Variants in MCM7 observed in about 807,000 individuals in gnomAD.
MCM7 encodes minichromosome maintenance complex component 7, also known as DNA replication licensing factor MCM7.
MCM7 carries 95 observed loss-of-function variants against 83.5 expected under a neutral mutation model. The ratio of observed to expected loss-of-function variants is 1.14; its 90% CI spans 0.96 to 1.35. The LOEUF is 1.35. Ranked by LOEUF, MCM7 falls within the 40% of genes most tolerant of loss-of-function variation. MCM7 has a pLI of 0.00. For missense variants in MCM7, 1,087 were observed against 957.4 expected (o/e 1.14, Z -1.79); for synonymous variants, 461 against 352.7 (o/e 1.31, Z -3.44).
rs569269175 is a variant in MCM7, at chr7:100,100,854, C to T, written c.31+410G>A. On this transcript the variant is annotated intron_variant, in intron 1 of 14. Coordinates refer to ENST00000303887, the MANE Select transcript of MCM7 (RefSeq NM_005916.5). ...CCGGCGCGCAGCGGCCCCGGCCTGC[C>T]CGCCCCCGGGGCCTACGCGCGCCTG... 3.1e-5 allele frequency: 32 copies of T among 1,024,542 alleles called. No individual in the cohort carries two copies. The South Asian group carries it at 9.9e-4, about 32-fold the overall frequency. 63.5% of individuals were successfully genotyped at this position (1,024,542 alleles called of 1,614,324 possible).
chr7:100,095,062 C>T (rs951004017), intron 12 of MCM7, among the ~76,000 whole-genome samples: 1 of 152,092 alleles, frequency 6.6e-6, no homozygotes, highest in Non-Finnish European at 1.5e-5. Context: ...GCCTGTAATC[C>T]CAGCTACTCA....
intron 1 of MCM7, chr7:100,100,775 G>T (rs1021533421): frequency 1.0e-6 from 1 of 991,784 alleles, no homozygotes; most frequent in Non-Finnish European, 1.2e-6. Context: ...GCCTCCTCGC[G>T]CCACTTCCGC....
At position 100,099,183 on chromosome 7, in the gene MCM7, G is replaced by A. The variant is rs763804358; in HGVS notation, c.422C>T (p.Pro141Leu). The stretch of plus-strand genomic sequence containing the variant: ...GATCACACGAGGCTTGTTGCTGCTA[G>A]GGCCTTGAAAATACAGCTCACTAAG... ...MRRFELYFQG[P>L]SSNKPRVIRE... Residue 141 changes from proline (P) to leucine (L), a missense_variant, in exon 5 of 15, where the codon CCT becomes CTT. Pro to Leu is a moderately conservative substitution (Grantham distance 98). Coordinates refer to ENST00000303887, the MANE Select transcript of MCM7 (RefSeq NM_005916.5). The A allele has an allele frequency of 2.4e-5, 39 of 1,613,948 alleles. No homozygotes were observed. The highest frequency in any genetic ancestry group is 3.0e-5 in the Non-Finnish European group (35 of 1,180,022).
In MCM7 at chr7:100,093,142, A is replaced by G. The variant is rs1795402478; in HGVS notation, c.1959-9T>C. 1 of 1,613,142 alleles carries G rather than the reference A, an allele frequency of 6.2e-7. No homozygotes were observed. Among genetic ancestry groups the G allele is most frequent in the African/African-American group, 1.3e-5 (1 of 74,902 alleles). ...CTGCTGGTCTCTGAGTCCTGAAGGA[A>G]ATGAGTGGGTGTGTAAGGTCAGGAT... On this transcript the variant is annotated splice_polypyrimidine_tract_variant and intron_variant, in intron 14 of 14. Coordinates refer to ENST00000303887, the MANE Select transcript of MCM7 (RefSeq NM_005916.5).
rs1170329844 is a variant in MCM7 at position 100,099,082 on chromosome 7, GT to G, written c.522del (p.Lys174AsnfsTer30). The G allele has an allele frequency of 6.2e-7, 1 of 1,614,178 alleles. No individual in the cohort carries two copies. Among genetic ancestry groups the G allele is most frequent in the Non-Finnish European group, 8.5e-7 (1 of 1,180,048 alleles). On this transcript the variant is annotated frameshift_variant, in exon 5 of 15. Transcript: ENST00000303887. LOFTEE classifies it high-confidence loss of function. ...RGIVTRVSEV[K>X]PKMVVATYTC... ...GTGTAAGTGGCCACCACCATCTTGGGTTTGACTTCAGAGACACGAGTGACGA... is the reference window on the plus strand; with the variant it reads ...GTGTAAGTGGCCACCACCATCTTGGGTTGACTTCAGAGACACGAGTGACGA...
chr7:100,097,295 A>T lies in MCM7; in HGVS notation c.1201+6T>A, dbSNP rs750554869. The stretch of plus-strand genomic sequence containing the variant: ...TATTCACCTCCCGCAAAGCCCAACT[A>T]CTTACTGCGAGGCGCCAGTCGATCA... On this transcript the variant is annotated splice_donor_region_variant and intron_variant, in intron 10 of 14. Transcript: ENST00000303887. 5.6e-6 allele frequency: 9 copies of T among 1,613,624 alleles called. No homozygotes were observed. In the South Asian group the frequency reaches 9.9e-5, roughly 18 times the overall value.
intron 1 of MCM7, chr7:100,100,355 C>T (rs1326711862): frequency 2.7e-6 from 3 of 1,131,298 alleles, no homozygotes; most frequent in African/African-American, 1.6e-5. Flanking sequence ...AAAATTCTAG[C>T]GCCCTTCCCC....
chr7:100,100,888 G>A, intron 1 of MCM7: 2 of 1,051,448 alleles, frequency 1.9e-6, no homozygotes, highest in Non-Finnish European at 2.3e-6. Context: ...TGGGGAGGGC[G>A]CGGGAACCTG....
rs1237990915 is a variant in MCM7 at position 100,093,149 on chromosome 7, G to A, written c.1959-16C>T. 2 of 1,612,052 alleles carry A rather than the reference G, an allele frequency of 1.2e-6. No homozygotes were observed. Among genetic ancestry groups the A allele is most frequent in the South Asian group, 2.2e-5 (2 of 90,930 alleles). Reference sequence around the variant, plus strand: ...TCTCTGAGTCCTGAAGGAAATGAGTGGGTGTGTAAGGTCAGGATACAAACA... The same window carrying A: ...TCTCTGAGTCCTGAAGGAAATGAGTAGGTGTGTAAGGTCAGGATACAAACA... On this transcript the variant is annotated splice_polypyrimidine_tract_variant and intron_variant, in intron 14 of 14. Transcript: ENST00000303887.
chr7:100,100,359 C>A, intron 1 of MCM7: 1 of 1,130,426 alleles, frequency 8.8e-7, no homozygotes, highest in Non-Finnish European at 1.1e-6. Flanking sequence ...TTCTAGCGCC[C>A]TTCCCCGTTG....
At chr7:100,096,228 G>T in intron 10 of MCM7, 61 bp from the exon 11 acceptor site, 1 of 1,491,354 alleles carries the variant, frequency 6.7e-7, no homozygotes. Flanking sequence ...ACAAGCAAAA[G>T]ACAACAAACG....
Position 100,097,967 on chromosome 7 carries a change from A to C in MCM7, c.871-19T>G, listed in dbSNP as rs1354212003. 1 of 1,609,022 alleles carries C rather than the reference A, an allele frequency of 6.2e-7. No individual in the cohort carries two copies. The highest frequency in any genetic ancestry group is 8.5e-7 in the Non-Finnish European group (1 of 1,175,330). ...GTAAACCCTTGGGCAGGAAAATGCC[A>C]GGATACAGATGTAATCCCTTCAACT... On this transcript the variant is annotated intron_variant, in intron 7 of 14. Coordinates refer to ENST00000303887, the MANE Select transcript of MCM7 (RefSeq NM_005916.5).
Position 100,101,319 on chromosome 7 carries a change from G to C in MCM7, c.-25C>G, listed in dbSNP as rs754293535. 1.6e-5 allele frequency: 25 copies of C among 1,612,816 alleles called. No individual in the cohort carries two copies. Among genetic ancestry groups the C allele is most frequent in the Non-Finnish European group, 1.9e-5 (22 of 1,179,856 alleles). On this transcript the variant is annotated 5_prime_UTR_variant, in exon 1 of 15. Coordinates refer to ENST00000303887, the MANE Select transcript of MCM7 (RefSeq NM_005916.5). ...TCGCTGCCGAGGGCCGTGCGGCCGC[G>C]CTTGGCGGGCTCAGAGGTCTTGCTC...
Position 100,099,269 on chromosome 7 carries a change from G to C in MCM7, c.401+10C>G. ...CAATCCCTACATCTTTCCCGACAGA[G>C]ACCACTCACAATCTGCGCATGAGTT... On this transcript the variant is annotated intron_variant, in intron 4 of 14. Coordinates refer to ENST00000303887, the MANE Select transcript of MCM7 (RefSeq NM_005916.5). 6.2e-7 allele frequency: 1 copy of C among 1,614,114 alleles called. No homozygotes were observed. Among genetic ancestry groups the C allele is most frequent in the South Asian group, 1.1e-5 (1 of 91,078 alleles).
Position 100,093,040 on chromosome 7 carries a change from A to G in MCM7, c.2052T>C (p.Cys684=), listed in dbSNP as rs777040200. ...SVRFSEAEQR[C]VSRGFTPAQF... is the part of the protein sequence containing the mutation. ...GGGCGGGTGTGAAGCCACGAGATACACAGCGCTGCTCTGCCTCAGAGAACC... is the reference window on the plus strand; with the variant it reads ...GGGCGGGTGTGAAGCCACGAGATACGCAGCGCTGCTCTGCCTCAGAGAACC... The change falls in exon 15 of 15, where the codon TGT becomes TGC. Residue 684 remains cysteine (C), a synonymous_variant. Transcript: ENST00000303887. The G allele has an allele frequency of 1.2e-6, 2 of 1,614,240 alleles. No individual in the cohort carries two copies. The highest frequency in any genetic ancestry group is 2.2e-5 in the East Asian group (1 of 44,884).
At chr7:100,098,520 T>G (rs1795763866) in intron 6 of MCM7, 58 bp downstream of exon 6, 1 of 1,605,880 alleles carries the variant, frequency 6.2e-7, no homozygotes, top group African/African-American at 1.3e-5. Context: ...CACAAGTGAC[T>G]ACAGGATTCA....
intron 13 of MCM7, 170 bp downstream of exon 13, chr7:100,094,000 GAGC>G: frequency 1.2e-6 from 1 of 862,064 alleles, no homozygotes; most frequent in Admixed American, 1.8e-5. Context: ...TGCCCTGCTG[GAGC>G]AGCAAGTACC....
At chr7:100,093,482 T>C in intron 13 of MCM7, 81 bp from the exon 14 acceptor site, 1 of 1,322,420 alleles carries the variant, frequency 7.6e-7, no homozygotes, top group African/African-American at 1.5e-5. Flanking sequence ...GTTCTGGCTT[T>C]AAGGCTGGGC....
In MCM7 at chr7:100,098,174, T is replaced by C; in HGVS notation, c.837A>G (p.Pro279=). Residue 279 remains proline, a synonymous_variant, in exon 7 of 15, where the codon CCA becomes CCG. Coordinates refer to ENST00000303887, the MANE Select transcript of MCM7 (RefSeq NM_005916.5). The stretch of plus-strand genomic sequence containing the variant: ...CCTGTCGGAACCCAGTGCGCAGGAT[T>C]GGCAAGAAAATACCAGTGACGCTGA... The part of the protein sequence containing the change: ...DHVSVTGIFL[P]ILRTGFRQVV... 6.2e-7 allele frequency: 1 copy of C among 1,614,150 alleles called. No homozygotes were observed. Among genetic ancestry groups the C allele is most frequent in the Non-Finnish European group, 8.5e-7 (1 of 1,180,018 alleles).
Sources: gnomAD v4.1 joint callset for allele counts (sites outside exome capture counted in the v4.1 genomes callset) on GRCh38, gnomAD v4.1.1 for gene constraint, MANE v1.5 for transcripts, NCBI Gene and HGNC (gene_info 2026-07-23, HGNC 2026-07-21) for gene names.